Variants in EDNRB observed in about 807,000 individuals in gnomAD.
EDNRB encodes Hirschsprung disease 2.
EDNRB carries 18 observed loss-of-function variants against 46.4 expected under a neutral mutation model. The ratio of observed to expected loss-of-function variants is 0.39; its 90% CI spans 0.27 to 0.57. The LOEUF (loss-of-function observed/expected upper bound fraction) is 0.57, where lower values mean the gene tolerates loss of function less well. Among genes scored for constraint, EDNRB ranks in the 20% least tolerant of loss-of-function variants. EDNRB has a pLI of 0.61. For synonymous variants in EDNRB, 213 were observed against 204.9 expected (o/e 1.04, Z -0.34); for missense variants, 434 against 537.5 (o/e 0.81, Z 1.90).
At chr13:77,900,931 C>T in intron 4 of EDNRB, 127 bp downstream of exon 4, 1 of 1,164,430 alleles carries the variant, frequency 8.6e-7, no homozygotes, top group Non-Finnish European at 1.2e-6. Context: ...TTAAAACTAC[C>T]AGAAACAAGA....
chr13:77,904,839 C>T (rs955172718), intron 1 of EDNRB, among the ~76,000 whole-genome samples: 40 of 151,870 alleles, frequency 2.6e-4, no homozygotes, highest in African/African-American at 9.7e-4. Flanking sequence ...GAAAAACAAC[C>T]TTGCAAAAGT....
At chr13:77,968,712 G>A (rs943787251) in intron 1 of EDNRB, among the ~76,000 whole-genome samples, 1 of 152,136 alleles carries the variant, frequency 6.6e-6, no homozygotes, top group Non-Finnish European at 1.5e-5. Context: ...ATTAGCTGAG[G>A]ACTTTAGTCA....
intron 1 of EDNRB, among the ~76,000 whole-genome samples, chr13:77,946,638 C>T (rs1880927850): frequency 6.6e-6 from 1 of 152,144 alleles, no homozygotes; most frequent in African/African-American, 2.4e-5. Flanking sequence ...TAGATGATAA[C>T]CTCAGCCACA....
At chr13:77,963,357 TG>T (rs771492218) in intron 1 of EDNRB, among the ~76,000 whole-genome samples, 31 of 152,188 alleles carry the variant, frequency 2.0e-4, no homozygotes, top group Non-Finnish European at 3.7e-4. Flanking sequence ...TTATGCTACC[TG>T]ACTTCAAAGT....
intron 1 of EDNRB, among the ~76,000 whole-genome samples, chr13:77,941,362 G>A (rs1411728791): frequency 6.6e-6 from 1 of 152,196 alleles, no homozygotes; most frequent in Non-Finnish European, 1.5e-5. Context: ...GAAGGGAAGG[G>A]ATGGTATGGT....
chr13:77,926,773 G>T (rs575286655), intron 1 of EDNRB, among the ~76,000 whole-genome samples: 1 of 152,140 alleles, frequency 6.6e-6, no homozygotes, highest in Non-Finnish European at 1.5e-5. Context: ...GTATTAGTCC[G>T]TTTTCATGCT....
intron 1 of EDNRB, among the ~76,000 whole-genome samples, chr13:77,958,126 C>T (rs1026707324): frequency 2.6e-5 from 4 of 152,132 alleles, no homozygotes; most frequent in Admixed American, 6.6e-5. Flanking sequence ...ATTAGAATCA[C>T]TTGCAAAGTA....
At chr13:77,915,952 G>A (rs1469968375) in intron 1 of EDNRB, among the ~76,000 whole-genome samples, 1 of 152,170 alleles carries the variant, frequency 6.6e-6, no homozygotes, top group African/African-American at 2.4e-5. Context: ...TGACCTCTTG[G>A]GGAGTCAGAA....
intron 1 of EDNRB, among the ~76,000 whole-genome samples, chr13:77,958,760 C>T (rs576816916): frequency 1.3e-5 from 2 of 152,174 alleles, no homozygotes; most frequent in Non-Finnish European, 1.5e-5. Context: ...GTTCTGCTAA[C>T]ATTTTGAGGA....
intron 1 of EDNRB, among the ~76,000 whole-genome samples, chr13:77,946,277 T>C (rs2137669767): frequency 6.6e-6 from 1 of 152,270 alleles, no homozygotes; most frequent in African/African-American, 2.4e-5. Flanking sequence ...GGGTTTGCTG[T>C]CTTCAGCTTT....
rs754040927 is a variant in EDNRB, at chr13:77,903,202, A to G, written c.755T>C (p.Leu252Pro). The G allele has an allele frequency of 1.2e-6, 2 of 1,612,978 alleles. No homozygotes were observed. The highest frequency in any genetic ancestry group is 2.2e-5 in the East Asian group (1 of 44,816). ...IITMDYKGSY[L>P]RICLLHPVQK... is the part of the protein sequence containing the mutation. Reference sequence around the variant, plus strand: ...AACGGGATGAAGCAAGCAGATTCGCAGATAACTTCCTTTGTAGTCCATCGT... The same window carrying G: ...AACGGGATGAAGCAAGCAGATTCGCGGATAACTTCCTTTGTAGTCCATCGT... The change falls in exon 3 of 7, where the codon CTG becomes CCG. Residue 252 changes from leucine to proline, a missense_variant. Physicochemically the swap from Leu to Pro is moderately conservative, Grantham distance 98. Coordinates refer to ENST00000646607, the MANE Select transcript of EDNRB (RefSeq NM_001122659.3).
At chr13:77,944,516 G>T (rs1880846896) in intron 1 of EDNRB, among the ~76,000 whole-genome samples, 1 of 151,812 alleles carries the variant, frequency 6.6e-6, no homozygotes, top group South Asian at 2.1e-4. Context: ...CAGCCTAAAA[G>T]AAATTAGAAA....
intron 5 of EDNRB, among the ~76,000 whole-genome samples, 194 bp from the exon 6 acceptor site, chr13:77,900,161 C>G (rs1317363794): frequency 6.6e-6 from 1 of 151,978 alleles, no homozygotes; most frequent in Non-Finnish European, 1.5e-5. Context: ...TTTCTACTGA[C>G]TTTCCTCCAT....
intron 1 of EDNRB, among the ~76,000 whole-genome samples, chr13:77,968,842 ATAAGT>A (rs1881649508): frequency 6.6e-6 from 1 of 152,204 alleles, no homozygotes; most frequent in South Asian, 2.1e-4. Context: ...CTCCTTAAAA[ATAAGT>A]TAGGCCGTTT....
At chr13:77,974,766 C>T (rs1881837181) in intron 1 of EDNRB, among the ~76,000 whole-genome samples, 1 of 152,148 alleles carries the variant, frequency 6.6e-6, no homozygotes, top group Non-Finnish European at 1.5e-5. Flanking sequence ...TGTGCCATAC[C>T]TTTGAAACAA....
intron 1 of EDNRB, among the ~76,000 whole-genome samples, chr13:77,925,172 G>C (rs1025822539): frequency 6.6e-6 from 1 of 152,178 alleles, no homozygotes; most frequent in Admixed American, 6.5e-5. Context: ...GGACTGGCTT[G>C]TTTTATTTAG....
chr13:77,932,444 CTTTA>C (rs1430710950), intron 1 of EDNRB, among the ~76,000 whole-genome samples: 5 of 152,156 alleles, frequency 3.3e-5, no homozygotes, highest in Admixed American at 3.3e-4. Context: ...GTGTCACTCC[CTTTA>C]TTTATTTATG....
chr13:77,896,374 G>C lies in EDNRB; in HGVS notation c.*1826C>G, dbSNP rs1357750803. ...TCTATGATAACAGGCCTCTGAAAAA[G>C]TGATTGGGATGAAATTAAAGAACAA... On this transcript the variant is annotated 3_prime_UTR_variant, in exon 7 of 7. Transcript: ENST00000646607. 1 of 1,490,804 alleles carries C rather than the reference G, an allele frequency of 6.7e-7. No homozygotes were observed. The highest frequency in any genetic ancestry group is 2.5e-5 in the Admixed American group (1 of 40,108). The allele number at this position is 1,490,804 out of a possible 1,614,324, so 92.3% of individuals were successfully genotyped here.
chr13:77,924,626 A>G (rs933995435), upstream of EDNRB, among the ~76,000 whole-genome samples: 2 of 152,212 alleles, frequency 1.3e-5, no homozygotes, highest in Non-Finnish European at 2.9e-5. Flanking sequence ...TTGTTATGTA[A>G]CAGATCTCTG....
Sources: gnomAD v4.1 joint callset for allele counts (sites outside exome capture counted in the v4.1 genomes callset) on GRCh38, gnomAD v4.1.1 for gene constraint, MANE v1.5 for transcripts, NCBI Gene and HGNC (gene_info 2026-07-23, HGNC 2026-07-21) for gene names.